GDAP1: variants seen among roughly 807,000 people sequenced by gnomAD.
GDAP1 encodes the protein ganglioside-induced differentiation-associated protein 1.
Under a neutral mutation model 40.1 loss-of-function variants are expected in GDAP1, and 34 were observed. The ratio of observed to expected loss-of-function variants is 0.85; its 90% CI spans 0.64 to 1.13. The LOEUF (loss-of-function observed/expected upper bound fraction) is 1.13. Ranked by LOEUF, GDAP1 falls within the 50% of genes most tolerant of loss-of-function variation. The pLI, the probability that GDAP1 is intolerant of heterozygous loss-of-function variation, is 0.00. For missense variants in GDAP1, 374 were observed against 433.7 expected, an observed-to-expected ratio of 0.86 and a Z score of 1.22; for synonymous variants, 170 against 157.4, an observed-to-expected ratio of 1.08 and a Z score of -0.60.
intron 2 of GDAP1, among the ~76,000 whole-genome samples, chr8:74,408,449 G>A (rs114409017): frequency 0.014 from 2,071 of 149,984 alleles, 145 homozygotes; most frequent in Admixed American, 0.058. Flanking sequence ...AAAGGACGAA[G>A]CCCTCATGAA....
intron 2 of GDAP1, among the ~76,000 whole-genome samples, chr8:74,438,050 C>G (rs1586835145): frequency 6.6e-6 from 1 of 152,040 alleles, no homozygotes; most frequent in African/African-American, 2.4e-5. Context: ...GTGGGAGGAT[C>G]ACAAGGTCAA....
intron 2 of GDAP1, among the ~76,000 whole-genome samples, chr8:74,399,338 G>C (rs1481125082): frequency 1.3e-5 from 2 of 149,996 alleles, no homozygotes; most frequent in Non-Finnish European, 2.9e-5. Flanking sequence ...TATTTGCATA[G>C]AGGTGTTTGT....
At chr8:74,463,947 A>AAAC (rs71270002) in intron 2 of GDAP1, among the ~76,000 whole-genome samples, 1 of 151,696 alleles carries the variant, frequency 6.6e-6, no homozygotes, top group African/African-American at 2.4e-5. Context: ...AAGGGAAAAA[A>AAAC]TCCATAAATA....
chr8:74,394,159 T>C (rs1810156076), intron 2 of GDAP1, among the ~76,000 whole-genome samples: 1 of 152,200 alleles, frequency 6.6e-6, no homozygotes, highest in Non-Finnish European at 1.5e-5. Context: ...CCTACGTGGA[T>C]GGCTGGAGGC....
chr8:74,381,294 A>G (rs547860322), intron 2 of GDAP1, among the ~76,000 whole-genome samples: 45 of 152,308 alleles, frequency 3.0e-4, no homozygotes, highest in African/African-American at 1.1e-3. Context: ...CAGAGTTCGT[A>G]ACAAAAAAAC....
chr8:74,364,550 A>C lies in GDAP1; in HGVS notation c.*183A>C. 2 of 709,592 alleles carry C rather than the reference A, an allele frequency of 2.8e-6. No homozygotes were observed. Among genetic ancestry groups the C allele is most frequent in the Non-Finnish European group, 5.1e-6 (2 of 394,418 alleles). The allele number at this position is 709,592 out of a possible 1,614,324, so 44.0% of individuals were successfully genotyped here. On this transcript the variant is annotated 3_prime_UTR_variant, in exon 6 of 6. Transcript: ENST00000220822. ...ATAGGACACAAAATTGCTTTATTCTACAACTGCCAGCTCCAGGCAGAAATA... is the reference window on the plus strand; with the variant it reads ...ATAGGACACAAAATTGCTTTATTCTCCAACTGCCAGCTCCAGGCAGAAATA...
At position 74,366,660 on chromosome 8, in the gene GDAP1, C is replaced by G. The variant is rs994267856; in HGVS notation, c.*2293C>G. ...GTTATGTTGGCTTTTTGTGTCTTAACACACATAAATACTATTGTTATTGCA... is the reference window on the plus strand; with the variant it reads ...GTTATGTTGGCTTTTTGTGTCTTAAGACACATAAATACTATTGTTATTGCA... On this transcript the variant is annotated 3_prime_UTR_variant, in exon 6 of 6. Transcript: ENST00000220822. 2.2e-6 allele frequency: 1 copy of G among 453,698 alleles called. No individual in the cohort carries two copies. Among genetic ancestry groups the G allele is most frequent in the African/African-American group, 2.0e-5 (1 of 49,974 alleles). 28.1% of individuals were successfully genotyped at this position (453,698 alleles called of 1,614,324 possible). A position where few individuals can be genotyped will look rare whatever the true frequency, so the allele number is the denominator to read the frequency against.
At chr8:74,379,289 AG>A (rs1809911563) in intron 2 of GDAP1, among the ~76,000 whole-genome samples, 1 of 152,170 alleles carries the variant, frequency 6.6e-6, no homozygotes, top group East Asian at 1.9e-4. Flanking sequence ...ATGTTGTAAA[AG>A]TGTCCCGCAA....
Position 74,407,300 on chromosome 8 carries a change from C to T in GDAP1, c.165+55979C>T, listed in dbSNP as rs1381497830. 4.7e-5 allele frequency among the ~76,000 whole-genome samples: 7 copies of T among 149,666 alleles called. No homozygotes were observed. In the East Asian group the frequency reaches 9.7e-4, roughly 21 times the overall value. On this transcript the variant is annotated intron_variant, in intron 2 of 2. Transcript: ENST00000523640. ...ATATTAAGCGTCAACTTGATTGAATCGAAGTATTGTTTCTGGCTATGTCTG... is the reference window on the plus strand; with the variant it reads ...ATATTAAGCGTCAACTTGATTGAATTGAAGTATTGTTTCTGGCTATGTCTG...
intron 2 of GDAP1, among the ~76,000 whole-genome samples, chr8:74,372,581 C>G (rs1809773518): frequency 1.3e-5 from 2 of 152,172 alleles, no homozygotes; most frequent in South Asian, 4.1e-4. Flanking sequence ...TGAGAAGTGT[C>G]TGTTCATATC....
At chr8:74,482,799 G>T (rs1046490520) in intron 2 of GDAP1, among the ~76,000 whole-genome samples, 1 of 152,188 alleles carries the variant, frequency 6.6e-6, no homozygotes, top group Non-Finnish European at 1.5e-5. Context: ...GAACTTTGGT[G>T]TGAAATGATG....
At chr8:74,352,162 G>T (rs566481655) in intron 2 of GDAP1, among the ~76,000 whole-genome samples, 1 of 152,298 alleles carries the variant, frequency 6.6e-6, no homozygotes, top group Non-Finnish European at 1.5e-5. Flanking sequence ...AGAGTCTTTG[G>T]TCTCCAAAGC....
chr8:74,469,668 C>CAAAAA (rs753792948), intron 2 of GDAP1, among the ~76,000 whole-genome samples: 1 of 105,214 alleles, frequency 9.5e-6, no homozygotes. Flanking sequence ...GACTCCGTCT[C>CAAAAA]AAAAAAAAAA....
intron 2 of GDAP1, among the ~76,000 whole-genome samples, chr8:74,424,185 A>G (rs71527255): frequency 1.3e-5 from 2 of 152,126 alleles, no homozygotes; most frequent in Admixed American, 1.3e-4. Flanking sequence ...AATACCTAAT[A>G]CAATATAAAT....
At chr8:74,356,716 A>ATTTTTTT (rs377497809) in intron 2 of GDAP1, among the ~76,000 whole-genome samples, 18 of 104,332 alleles carry the variant, frequency 1.7e-4, no homozygotes, top group African/African-American at 4.5e-4. Context: ...ATATATATAT[A>ATTTTTTT]TTTTTTTTTT....
intron 2 of GDAP1, among the ~76,000 whole-genome samples, chr8:74,478,838 T>A (rs1320098823): frequency 6.6e-6 from 1 of 152,140 alleles, no homozygotes; most frequent in African/African-American, 2.4e-5. Context: ...CGGAGGACTA[T>A]GGTGAGAGCG....
intron 2 of GDAP1, among the ~76,000 whole-genome samples, chr8:74,449,715 A>G (rs949980565): frequency 3.3e-5 from 5 of 151,832 alleles, no homozygotes; most frequent in Non-Finnish European, 7.4e-5. Flanking sequence ...TTTTATGTGC[A>G]GAATCATGTC....
In GDAP1 at chr8:74,480,020, G is replaced by A. The variant is rs768504424; in HGVS notation, c.166-8658G>A. On this transcript the variant is annotated intron_variant, in intron 2 of 2. Coordinates refer to the GDAP1 transcript ENST00000523640. The stretch of plus-strand genomic sequence containing the variant: ...TTTTTTTTTTTTGAGATGGAGTCTC[G>A]CTCTGTTGCCCAGGCTGGAGTGCAG... Among the ~76,000 whole-genome samples the A allele has an allele frequency of 2.4e-4, 32 of 134,014 alleles. 1 individual carries two copies. Among genetic ancestry groups the A allele is most frequent in the Admixed American group, 2.1e-3 (25 of 11,764 alleles). The allele number at this position is 134,014 out of a possible 152,430, so 87.9% of individuals were successfully genotyped here.
At chr8:74,370,163 A>G (rs1299593605), downstream of GDAP1, among the ~76,000 whole-genome samples, 1 of 152,248 alleles carries the variant, frequency 6.6e-6, no homozygotes, top group Non-Finnish European at 1.5e-5. Flanking sequence ...AGGAATGGCA[A>G]ATAATGGGTA....
Sources: gnomAD v4.1 joint callset for allele counts (sites outside exome capture counted in the v4.1 genomes callset) on GRCh38, gnomAD v4.1.1 for gene constraint, MANE v1.5 for transcripts, NCBI Gene and HGNC (gene_info 2026-07-23, HGNC 2026-07-21) for gene names.